Variants in CLPB observed in about 807,000 individuals in gnomAD.
CLPB encodes mitochondrial disaggregase.
Under a neutral mutation model 78.4 loss-of-function variants are expected in CLPB, and 40 were observed. The ratio of observed to expected loss-of-function variants is 0.51; its 90% CI spans 0.40 to 0.66. CLPB has a LOEUF of 0.66. CLPB is among the 30% of genes least tolerant of loss of function. CLPB has a pLI of 0.00. For missense variants in CLPB, 780 were observed against 886.9 expected (o/e 0.88, Z 1.53); for synonymous variants, 333 against 348.0 (o/e 0.96, Z 0.48).
intron 4 of CLPB, among the ~76,000 whole-genome samples, chr11:72,367,192 C>T (rs546403599): frequency 3.0e-4 from 46 of 152,284 alleles, no homozygotes; most frequent in African/African-American, 1.1e-3. Flanking sequence ...GAGATGGAGT[C>T]TCTCTCTGTT....
chr11:72,333,564 T>C (rs916752331), intron 5 of CLPB, among the ~76,000 whole-genome samples: 15 of 152,240 alleles, frequency 9.9e-5, no homozygotes, highest in African/African-American at 3.6e-4. Flanking sequence ...CAGACTCCTC[T>C]TCCTGTCTTT....
intron 3 of CLPB, among the ~76,000 whole-genome samples, chr11:72,398,966 T>C (rs1855487237): frequency 6.6e-6 from 1 of 152,196 alleles, no homozygotes; most frequent in South Asian, 2.1e-4. Context: ...TGACTGCTTA[T>C]TCTCTGAATC....
At chr11:72,419,224 G>A (rs1856116785) in intron 2 of CLPB, among the ~76,000 whole-genome samples, 1 of 152,200 alleles carries the variant, frequency 6.6e-6, no homozygotes, top group Non-Finnish European at 1.5e-5. Flanking sequence ...GTGCTGACAT[G>A]AATTGCGTTA....
chr11:72,418,307 G>A (rs946077727), intron 2 of CLPB, among the ~76,000 whole-genome samples: 7 of 152,210 alleles, frequency 4.6e-5, no homozygotes, highest in African/African-American at 1.7e-4. Flanking sequence ...CTGTGACAGG[G>A]CTCACAGCCT....
intron 2 of CLPB, among the ~76,000 whole-genome samples, chr11:72,411,426 C>T (rs1855872869): frequency 6.6e-6 from 1 of 152,126 alleles, no homozygotes; most frequent in African/African-American, 2.4e-5. Context: ...GCTATGTGAC[C>T]ACAATAAATG....
chr11:72,301,733 CTT>C (rs1190086011), intron 11 of CLPB, 68 bp downstream of exon 11: 1 of 1,528,260 alleles, frequency 6.5e-7, no homozygotes, highest in African/African-American at 1.4e-5. Flanking sequence ...TGGGCCCTTG[CTT>C]TCTGCTGTTC....
chr11:72,355,815 C>T (rs1419721873), intron 5 of CLPB, among the ~76,000 whole-genome samples: 1 of 152,150 alleles, frequency 6.6e-6, no homozygotes, highest in Non-Finnish European at 1.5e-5. Context: ...TTTTCTAGCT[C>T]TAACCCTCTA....
At chr11:72,376,543 AGG>A (rs1164945924) in intron 4 of CLPB, among the ~76,000 whole-genome samples, 1 of 151,758 alleles carries the variant, frequency 6.6e-6, no homozygotes, top group African/African-American at 2.4e-5. Context: ...TGGCAGACAA[AGG>A]TAGTCTAGAA....
intron 4 of CLPB, among the ~76,000 whole-genome samples, chr11:72,375,678 T>G (rs1478877602): frequency 6.6e-6 from 1 of 152,228 alleles, no homozygotes; most frequent in Non-Finnish European, 1.5e-5. Context: ...CTCTGCGTTG[T>G]GATTCCTTGT....
At chr11:72,424,889 A>AAAAAC (rs1029071216) in intron 2 of CLPB, among the ~76,000 whole-genome samples, 1 of 152,078 alleles carries the variant, frequency 6.6e-6, no homozygotes, top group African/African-American at 2.4e-5. Flanking sequence ...CCGTCTCAAA[A>AAAAAC]AAAACAAAAC....
chr11:72,377,761 C>T (rs113255621), intron 4 of CLPB, among the ~76,000 whole-genome samples: 28 of 151,874 alleles, frequency 1.8e-4, no homozygotes, highest in Non-Finnish European at 3.1e-4. Context: ...ACTAGGAATG[C>T]GAAAAGAAAA....
At chr11:72,430,960 TAA>T in intron 1 of CLPB, among the ~76,000 whole-genome samples, 1 of 152,202 alleles carries the variant, frequency 6.6e-6, no homozygotes, top group Middle Eastern at 3.4e-3. Flanking sequence ...TTCCTGACTG[TAA>T]AACATAGACA....
intron 2 of CLPB, chr11:72,408,108 A>G: frequency 6.5e-7 from 1 of 1,534,506 alleles, no homozygotes; most frequent in Non-Finnish European, 8.7e-7. Context: ...CTGAGGGGCC[A>G]TTCAGAGGAG....
At chr11:72,421,305 C>G (rs951940632) in intron 2 of CLPB, among the ~76,000 whole-genome samples, 2 of 152,180 alleles carry the variant, frequency 1.3e-5, no homozygotes, top group African/African-American at 4.8e-5. Context: ...TCTTGCCCCT[C>G]CTTCCCTACT....
intron 15 of CLPB, among the ~76,000 whole-genome samples, 161 bp from the exon 16 acceptor site, chr11:72,293,776 T>C (rs957048985): frequency 1.3e-5 from 2 of 152,356 alleles, no homozygotes; most frequent in African/African-American, 4.8e-5. Context: ...CTCGCAGGAC[T>C]GCGCTCAAGT....
intron 5 of CLPB, among the ~76,000 whole-genome samples, chr11:72,337,976 C>T (rs1950351865): frequency 6.6e-6 from 1 of 152,200 alleles, no homozygotes. Context: ...CCCAACCCCC[C>T]AGTGGACATG....
intron 3 of CLPB, among the ~76,000 whole-genome samples, chr11:72,382,120 A>G (rs990916854): frequency 6.6e-6 from 1 of 152,118 alleles, no homozygotes; most frequent in Admixed American, 6.5e-5. Flanking sequence ...CCCAGGCTCC[A>G]GGCCAGTCCC....
chr11:72,359,411 A>G (rs1184647231), intron 4 of CLPB, among the ~76,000 whole-genome samples: 1 of 152,222 alleles, frequency 6.6e-6, no homozygotes, highest in African/African-American at 2.4e-5. Context: ...AGAGGATCCC[A>G]GAAGACAGGA....
At chr11:72,383,998 A>T (rs890233280) in intron 3 of CLPB, among the ~76,000 whole-genome samples, 2 of 152,178 alleles carry the variant, frequency 1.3e-5, no homozygotes, top group Non-Finnish European at 2.9e-5. Flanking sequence ...ACAAACAAAT[A>T]CAAACATTAG....
Sources: allele counts gnomAD v4.1 joint callset (sites outside exome capture counted in the v4.1 genomes callset), GRCh38; gene constraint gnomAD v4.1.1; transcripts MANE v1.5; gene names NCBI Gene and HGNC (gene_info 2026-07-23, HGNC 2026-07-21).